Variants in CEP112 observed in about 807,000 individuals in gnomAD.
The protein encoded by CEP112 is centrosomal protein 112, also known as centrosomal protein of 112 kDa.
CEP112 carries 127 observed loss-of-function variants against 153.0 expected under a neutral mutation model. That is an observed-to-expected ratio of 0.83 (90% confidence interval 0.72 to 0.96). CEP112 has a LOEUF of 0.96. Ranked by LOEUF, CEP112 falls within the 40% of genes least tolerant of loss-of-function variation. The pLI is 0.00. For synonymous variants in CEP112, 358 were observed against 374.4 expected, an observed-to-expected ratio of 0.96 and a Z score of 0.51; for missense variants, 1,089 against 1,101.2, an observed-to-expected ratio of 0.99 and a Z score of 0.16.
At chr17:66,017,123 C>T (rs919919095) in intron 16 of CEP112, among the ~76,000 whole-genome samples, 3 of 152,176 alleles carry the variant, frequency 2.0e-5, no homozygotes, top group Admixed American at 2.0e-4. Context: ...TTATTGTGAA[C>T]ACCCAAAATC....
At chr17:65,833,268 G>T (rs1217044079) in intron 21 of CEP112, among the ~76,000 whole-genome samples, 2 of 152,068 alleles carry the variant, frequency 1.3e-5, no homozygotes, top group East Asian at 3.9e-4. Flanking sequence ...ATGGGTAAAA[G>T]CCAGAAGCAT....
chr17:65,762,788 T>C (rs998156865), intron 21 of CEP112, among the ~76,000 whole-genome samples: 8 of 152,008 alleles, frequency 5.3e-5, no homozygotes, highest in African/African-American at 1.9e-4. Flanking sequence ...TATGTAAGTA[T>C]ATATGTCTGT....
chr17:65,870,851 T>C (rs1488150906), intron 20 of CEP112, among the ~76,000 whole-genome samples: 1 of 152,250 alleles, frequency 6.6e-6, no homozygotes, highest in Non-Finnish European at 1.5e-5. Flanking sequence ...TGAATTCTTC[T>C]TCACTAGAAA....
intron 8 of CEP112, among the ~76,000 whole-genome samples, chr17:66,082,064 G>A (rs955327813): frequency 3.9e-5 from 6 of 152,074 alleles, no homozygotes; most frequent in East Asian, 1.9e-4. Context: ...TTTTTACTCC[G>A]GTTTCTCTTC....
At chr17:65,759,359 G>A (rs2052472229) in intron 21 of CEP112, among the ~76,000 whole-genome samples, 3 of 151,946 alleles carry the variant, frequency 2.0e-5, no homozygotes, top group South Asian at 2.1e-4. Context: ...ATTCTTTCTT[G>A]CGCGAGATCC....
At chr17:65,777,636 T>A (rs527899320) in intron 21 of CEP112, among the ~76,000 whole-genome samples, 4 of 152,284 alleles carry the variant, frequency 2.6e-5, no homozygotes, top group African/African-American at 9.6e-5. Flanking sequence ...GAAGTTCTCC[T>A]CCCCTTCATG....
chr17:65,701,527 G>A (rs1033486372), intron 23 of CEP112, among the ~76,000 whole-genome samples: 5 of 152,076 alleles, frequency 3.3e-5, no homozygotes, highest in Non-Finnish European at 7.4e-5. Context: ...TGCATATCAC[G>A]ACATCCAGCT....
At chr17:65,769,999 T>G (rs2145497007) in intron 21 of CEP112, among the ~76,000 whole-genome samples, 1 of 152,132 alleles carries the variant, frequency 6.6e-6, no homozygotes, top group Non-Finnish European at 1.5e-5. Flanking sequence ...CTCAGTTATC[T>G]CTGAGATAGT....
intron 4 of CEP112, among the ~76,000 whole-genome samples, chr17:66,153,376 C>T (rs1469514804): frequency 7.2e-6 from 1 of 138,996 alleles, no homozygotes; most frequent in Non-Finnish European, 1.5e-5. Context: ...ACTACTGATA[C>T]AAGAAACAAT....
At chr17:66,174,726 A>G (rs929928846) in intron 4 of CEP112, among the ~76,000 whole-genome samples, 11 of 152,218 alleles carry the variant, frequency 7.2e-5, no homozygotes, top group South Asian at 2.1e-4. Flanking sequence ...AGTGAAAACA[A>G]ATATTGTTCA....
intron 21 of CEP112, among the ~76,000 whole-genome samples, chr17:65,849,516 C>T (rs1253176161): frequency 2.0e-5 from 3 of 152,162 alleles, no homozygotes; most frequent in Non-Finnish European, 4.4e-5. Flanking sequence ...TATCTTTACC[C>T]TGTAAATTAG....
chr17:65,731,667 A>G (rs574860882), intron 23 of CEP112, among the ~76,000 whole-genome samples: 2 of 152,344 alleles, frequency 1.3e-5, no homozygotes, highest in South Asian at 2.1e-4. Context: ...ATGGGAGTCT[A>G]TCTTCTCAAA....
chr17:65,809,852 T>TGGG (rs141825201), intron 21 of CEP112, among the ~76,000 whole-genome samples: 2 of 145,262 alleles, frequency 1.4e-5, no homozygotes, highest in African/African-American at 2.6e-5. Flanking sequence ...GTAAAGGAAG[T>TGGG]GGGGGGGGGA....
At chr17:65,970,326 T>C (rs1178246511) in intron 17 of CEP112, among the ~76,000 whole-genome samples, 1 of 151,918 alleles carries the variant, frequency 6.6e-6, no homozygotes, top group Non-Finnish European at 1.5e-5. Flanking sequence ...TAAAACATAT[T>C]GCATGCATAT....
intron 8 of CEP112, among the ~76,000 whole-genome samples, chr17:66,073,308 C>A (rs911009308): frequency 5.3e-5 from 8 of 152,200 alleles, no homozygotes; most frequent in Admixed American, 6.5e-5. Flanking sequence ...CTGGGTACAA[C>A]AACTGGAGTC....
intron 20 of CEP112, among the ~76,000 whole-genome samples, chr17:65,894,834 G>A (rs1399135530): frequency 6.6e-6 from 1 of 151,976 alleles, no homozygotes; most frequent in Non-Finnish European, 1.5e-5. Flanking sequence ...GAAACTTGTT[G>A]GAAGAAACTA....
intron 21 of CEP112, among the ~76,000 whole-genome samples, chr17:65,782,737 T>C (rs62065063): frequency 1.1e-4 from 16 of 152,100 alleles, no homozygotes; most frequent in Non-Finnish European, 1.6e-4. Flanking sequence ...TACCACATGT[T>C]CTCACTTATA....
intron 4 of CEP112, among the ~76,000 whole-genome samples, chr17:66,174,756 T>C (rs1295938480): frequency 1.3e-5 from 2 of 152,184 alleles, no homozygotes; most frequent in African/African-American, 4.8e-5. Flanking sequence ...TGCAGGATAT[T>C]TTGTTCAAGT....
chr17:65,778,559 C>T (rs1279963676), intron 21 of CEP112, among the ~76,000 whole-genome samples: 1 of 151,812 alleles, frequency 6.6e-6, no homozygotes, highest in Non-Finnish European at 1.5e-5. Flanking sequence ...ATTGTTCAGC[C>T]CTTAGTAGTT....
Sources: allele counts gnomAD v4.1 joint callset (sites outside exome capture counted in the v4.1 genomes callset), GRCh38; gene constraint gnomAD v4.1.1; transcripts MANE v1.5; gene names NCBI Gene and HGNC (gene_info 2026-07-23, HGNC 2026-07-21).